RERE: variants seen among roughly 807,000 people sequenced by gnomAD.
The protein encoded by RERE is arginine-glutamic acid dipeptide repeats protein.
RERE carries 40 observed loss-of-function variants against 146.1 expected under a neutral mutation model. That is an observed-to-expected ratio of 0.27 (90% confidence interval 0.21 to 0.36). The LOEUF (loss-of-function observed/expected upper bound fraction) is 0.36, where lower values mean the gene tolerates loss of function less well. Among genes scored for constraint, RERE ranks in the 10% least tolerant of loss-of-function variants. The pLI is 1.00. For synonymous variants in RERE, 1,003 were observed against 866.0 expected, an observed-to-expected ratio of 1.16 and a Z score of -2.78; for missense variants, 1,933 against 2,138.7, an observed-to-expected ratio of 0.90 and a Z score of 1.90.
At chr1:8,544,840 C>T (rs570001691) in intron 6 of RERE, among the ~76,000 whole-genome samples, 5 of 152,258 alleles carry the variant, frequency 3.3e-5, no homozygotes, top group African/African-American at 1.2e-4. Flanking sequence ...TTAGCCAGCC[C>T]TCAAACACTG....
At chr1:8,725,960 TC>T (rs112315812) in intron 1 of RERE, among the ~76,000 whole-genome samples, 35,842 of 151,690 alleles carry the variant, frequency 0.24, 4,336 homozygotes, top group African/African-American at 0.28. Flanking sequence ...TCAAAATAAG[TC>T]AAACTCTTCC....
At chr1:8,612,101 C>T (rs1270574103) in intron 4 of RERE, among the ~76,000 whole-genome samples, 2 of 152,158 alleles carry the variant, frequency 1.3e-5, no homozygotes, top group Non-Finnish European at 2.9e-5. Flanking sequence ...ATCACATATA[C>T]CTGAATATGC....
Position 8,379,143 on chromosome 1 carries a change from C to T in RERE, c.1285-13169G>A, listed in dbSNP as rs144414063. On this transcript the variant is annotated intron_variant, in intron 12 of 22. Transcript: ENST00000400908. ...GACAGCTGGCTCGCGTGAAGGGACA[C>T]GGGGGAAGGAAGAGAACCACAAGAT... 3.7e-3 allele frequency among the ~76,000 whole-genome samples: 560 copies of T among 152,102 alleles called. 4 individuals are homozygous for T. Among genetic ancestry groups the T allele is most frequent in the African/African-American group, 0.011 (461 of 41,486 alleles).
At chr1:8,578,341 G>A (rs1486165432) in intron 4 of RERE, among the ~76,000 whole-genome samples, 1 of 152,076 alleles carries the variant, frequency 6.6e-6, no homozygotes, top group Non-Finnish European at 1.5e-5. Flanking sequence ...TTGCTGCACT[G>A]CACACTCTGG....
At chr1:8,468,739 G>T (rs1644639801) in intron 10 of RERE, among the ~76,000 whole-genome samples, 1 of 152,004 alleles carries the variant, frequency 6.6e-6, no homozygotes, top group Non-Finnish European at 1.5e-5. Context: ...TAAGAAATTA[G>T]CTGGGCGTGG....
At chr1:8,412,364 G>A (rs917971283) in intron 12 of RERE, among the ~76,000 whole-genome samples, 1 of 152,142 alleles carries the variant, frequency 6.6e-6, no homozygotes, top group Non-Finnish European at 1.5e-5. Flanking sequence ...TAATAAAATG[G>A]CATATGATGA....
At chr1:8,440,994 G>GT (rs1242924440) in intron 11 of RERE, among the ~76,000 whole-genome samples, 1 of 121,118 alleles carries the variant, frequency 8.3e-6, no homozygotes, top group Non-Finnish European at 1.6e-5. Flanking sequence ...GCTCATGCAG[G>GT]TTTTTTGTTT....
At chr1:8,614,461 C>G in intron 4 of RERE, 100 bp downstream of exon 4, 6 of 1,257,982 alleles carry the variant, frequency 4.8e-6, no homozygotes, top group Non-Finnish European at 6.6e-6. Flanking sequence ...TATAATACAG[C>G]ACATTTTAAA....
chr1:8,785,022 A>G (rs1641235056), intron 1 of RERE, among the ~76,000 whole-genome samples: 1 of 152,208 alleles, frequency 6.6e-6, no homozygotes, highest in Non-Finnish European at 1.5e-5. Context: ...AACATGATCC[A>G]ATGCTCCACC....
At chr1:8,609,692 A>G (rs1646767914) in intron 4 of RERE, among the ~76,000 whole-genome samples, 1 of 152,174 alleles carries the variant, frequency 6.6e-6, no homozygotes, top group Non-Finnish European at 1.5e-5. Context: ...TAGGTAACAA[A>G]CGTAATACAA....
At chr1:8,598,260 A>G (rs1304908749) in intron 4 of RERE, among the ~76,000 whole-genome samples, 1 of 152,210 alleles carries the variant, frequency 6.6e-6, no homozygotes, top group Non-Finnish European at 1.5e-5. Context: ...AGGAACGAAC[A>G]TACGAGCTGT....
intron 12 of RERE, among the ~76,000 whole-genome samples, chr1:8,419,621 T>C (rs1256496010): frequency 6.6e-6 from 1 of 152,222 alleles, no homozygotes; most frequent in Non-Finnish European, 1.5e-5. Flanking sequence ...CCACCTTATG[T>C]AGTATTTAAG....
chr1:8,772,254 C>T (rs1640967291), intron 1 of RERE, among the ~76,000 whole-genome samples: 1 of 151,732 alleles, frequency 6.6e-6, no homozygotes, highest in African/African-American at 2.4e-5. Context: ...CGAGATATAA[C>T]CTGTCACTAC....
intron 10 of RERE, among the ~76,000 whole-genome samples, chr1:8,494,198 T>A (rs1214124744): frequency 2.0e-5 from 3 of 152,246 alleles, no homozygotes; most frequent in Non-Finnish European, 4.4e-5. Flanking sequence ...CGTGTAAAAC[T>A]TTTTATAGTC....
intron 4 of RERE, among the ~76,000 whole-genome samples, chr1:8,605,760 AAAAAAAAAAAAC>A (rs1646697788): frequency 6.7e-6 from 1 of 149,740 alleles, no homozygotes; most frequent in African/African-American, 2.4e-5. Context: ...AAAAAAAAAA[AAAAAAAAAAAAC>A]CCCTAAAAAA....
Position 8,651,250 on chromosome 1 carries a change from C to CA in RERE, c.325+4722dup, listed in dbSNP as rs1004865560. Reference sequence around the variant, plus strand: ...ATAACATAGCAAGACCCCATCTCTACAAAAAAATTGTTAATAGGCCAGGTG... The same window carrying CA: ...ATAACATAGCAAGACCCCATCTCTACAAAAAAAATTGTTAATAGGCCAGGTG... On this transcript the variant is annotated intron_variant, in intron 2 of 22. Coordinates refer to ENST00000400908, the MANE Select transcript of RERE (RefSeq NM_001042681.2). 1.3e-4 allele frequency among the ~76,000 whole-genome samples: 19 copies of CA among 151,502 alleles called. 1 individual carries two copies. The highest frequency in any genetic ancestry group is 1.8e-4 in the Non-Finnish European group (12 of 67,840).
rs34684190 is a variant in RERE at position 8,788,666 on chromosome 1, GT to G, written c.-145+28493del. ...GCGTGAGCCACTGCGCCCAGCCAGT[GT>G]TTTTTTTTTTTTTTAAGAAGCTGTA... On this transcript the variant is annotated intron_variant, in intron 1 of 22. Transcript: ENST00000400908. Among the ~76,000 whole-genome samples, 691 of 144,616 alleles carry G rather than the reference GT, an allele frequency of 4.8e-3. 5 individuals are homozygous for G. The highest frequency in any genetic ancestry group is 0.015 in the African/African-American group (603 of 39,174). The allele number at this position is 144,616 out of a possible 152,430, so 94.9% of individuals were successfully genotyped here.
intron 1 of RERE, among the ~76,000 whole-genome samples, chr1:8,664,002 C>T (rs1056067603): frequency 1.3e-5 from 2 of 152,158 alleles, no homozygotes; most frequent in African/African-American, 4.8e-5. Context: ...CCCCCCAATC[C>T]TGCCTGTAAA....
intron 1 of RERE, among the ~76,000 whole-genome samples, chr1:8,721,617 G>A (rs915178627): frequency 6.6e-6 from 1 of 152,142 alleles, no homozygotes; most frequent in Non-Finnish European, 1.5e-5. Context: ...CCTGGCAAGA[G>A]ATTCTTAAAA....
Sources: allele counts gnomAD v4.1 joint callset (sites outside exome capture counted in the v4.1 genomes callset), GRCh38; gene constraint gnomAD v4.1.1; transcripts MANE v1.5; gene names NCBI Gene and HGNC (gene_info 2026-07-23, HGNC 2026-07-21).